ERC2: variants seen among roughly 807,000 people sequenced by gnomAD.
ERC2 encodes ELKS/RAB6-interacting/CAST family member 2.
In ERC2, 42 loss-of-function variants were observed where a neutral mutation model predicts 114.8. The ratio of observed to expected loss-of-function variants is 0.37; its 90% CI spans 0.29 to 0.47. The LOEUF is 0.47. Among genes scored for constraint, ERC2 ranks in the 20% least tolerant of loss-of-function variants. The pLI is 0.99. For synonymous variants in ERC2, 454 were observed against 425.5 expected (o/e 1.07, Z -0.82); for missense variants, 939 against 1,150.7 (o/e 0.82, Z 2.66).
Position 55,966,146 on chromosome 3 carries a change from C to A in ERC2, c.2268-15586G>T, listed in dbSNP as rs2068734687. Among the ~76,000 whole-genome samples, 3 of 152,278 alleles carry A rather than the reference C, an allele frequency of 2.0e-5. No individual in the cohort carries two copies. The South Asian group carries it at 6.2e-4, about 32-fold the overall frequency. On this transcript the variant is annotated intron_variant, in intron 12 of 17. Transcript: ENST00000288221. ...AAAAACAAAACCAACAAACAAGGGGCTAGGGTCAAATAAGTCTTGAGAGCC... is the reference window on the plus strand; with the variant it reads ...AAAAACAAAACCAACAAACAAGGGGATAGGGTCAAATAAGTCTTGAGAGCC...
At chr3:56,388,855 C>G (rs1289908704) in intron 2 of ERC2, among the ~76,000 whole-genome samples, 3 of 152,128 alleles carry the variant, frequency 2.0e-5, no homozygotes. Context: ...TTATAGGTGG[C>G]ACGCCCCAAA....
intron 13 of ERC2, among the ~76,000 whole-genome samples, chr3:55,935,141 C>A (rs1376797148): frequency 6.6e-6 from 1 of 152,174 alleles, no homozygotes; most frequent in Non-Finnish European, 1.5e-5. Flanking sequence ...AGAACCAAGT[C>A]TGGAGAATAA....
chr3:56,208,948 G>T (rs986633621), intron 3 of ERC2, among the ~76,000 whole-genome samples: 1 of 151,620 alleles, frequency 6.6e-6, no homozygotes, highest in African/African-American at 2.4e-5. Flanking sequence ...AGAAATGAGG[G>T]GCCTGGTGAC....
intron 2 of ERC2, among the ~76,000 whole-genome samples, chr3:56,315,120 A>T (rs902294095): frequency 5.9e-5 from 9 of 152,202 alleles, no homozygotes; most frequent in Non-Finnish European, 1.2e-4. Flanking sequence ...TAGGAGTTGG[A>T]GCACATGACA....
At chr3:55,682,295 C>T (rs1227110291) in intron 17 of ERC2, among the ~76,000 whole-genome samples, 1 of 152,142 alleles carries the variant, frequency 6.6e-6, no homozygotes, top group African/African-American at 2.4e-5. Context: ...AATGACTTTG[C>T]ATCTGGAAGT....
At position 55,852,089 on chromosome 3, in the gene ERC2, G is replaced by A. The variant is rs140349486; in HGVS notation, c.2564+36300C>T. On this transcript the variant is annotated intron_variant, in intron 14 of 17. Coordinates refer to ENST00000288221, the MANE Select transcript of ERC2 (RefSeq NM_015576.3). The stretch of plus-strand genomic sequence containing the variant: ...ATACAAAATTAGCTGGCGTGGTGGC[G>A]CATTCTTCTAATCCCAGCTACTCAG... Among the ~76,000 whole-genome samples the A allele has an allele frequency of 3.2e-4, 48 of 152,220 alleles. No individual in the cohort carries two copies. The East Asian group carries it at 7.5e-3, about 24-fold the overall frequency.
intron 17 of ERC2, among the ~76,000 whole-genome samples, chr3:55,515,097 A>G (rs1055045551): frequency 1.3e-4 from 20 of 149,690 alleles, no homozygotes; most frequent in African/African-American, 4.8e-4. Flanking sequence ...CACCATGAAG[A>G]AAAGGAACGG....
intron 7 of ERC2, among the ~76,000 whole-genome samples, chr3:56,072,720 A>T (rs946966550): frequency 5.9e-5 from 9 of 152,200 alleles, no homozygotes; most frequent in Non-Finnish European, 1.0e-4. Context: ...TTTTATTTTC[A>T]GTCAGGAAAA....
At chr3:55,638,172 T>C (rs1009720114) in intron 17 of ERC2, among the ~76,000 whole-genome samples, 2 of 152,246 alleles carry the variant, frequency 1.3e-5, no homozygotes, top group Non-Finnish European at 2.9e-5. Context: ...TGTTCATTCC[T>C]AGTGTCTGGA....
At chr3:56,208,129 T>A (rs940722406) in intron 3 of ERC2, among the ~76,000 whole-genome samples, 13 of 152,220 alleles carry the variant, frequency 8.5e-5, no homozygotes, top group Non-Finnish European at 1.5e-4. Context: ...GGGAATAAAC[T>A]GACGCATCTT....
chr3:56,437,467 A>G (rs546806659), intron 1 of ERC2, among the ~76,000 whole-genome samples: 3 of 152,330 alleles, frequency 2.0e-5, no homozygotes, highest in East Asian at 3.9e-4. Context: ...TAACTGATGC[A>G]TTTGTCTATA....
At chr3:55,956,171 A>G (rs1224715127) in intron 12 of ERC2, among the ~76,000 whole-genome samples, 1 of 152,206 alleles carries the variant, frequency 6.6e-6, no homozygotes, top group Non-Finnish European at 1.5e-5. Flanking sequence ...TACCTCAAAC[A>G]ATGGACTTTG....
chr3:56,093,284 T>C (rs528952894), intron 6 of ERC2, among the ~76,000 whole-genome samples: 1 of 152,340 alleles, frequency 6.6e-6, no homozygotes, highest in South Asian at 2.1e-4. Context: ...TAAATAACTC[T>C]TATAAATCTG....
chr3:55,595,908 A>G lies in ERC2; in HGVS notation c.*40-84632T>C, dbSNP rs552501177. Among the ~76,000 whole-genome samples, 4 of 152,312 alleles carry G rather than the reference A, an allele frequency of 2.6e-5. No homozygotes were observed. In the South Asian group the frequency reaches 8.3e-4, roughly 32 times the overall value. On this transcript the variant is annotated intron_variant, in intron 17 of 17. Coordinates refer to ENST00000288221, the MANE Select transcript of ERC2 (RefSeq NM_015576.3). The stretch of plus-strand genomic sequence containing the variant: ...TTGGAAATCCACACTCCAAGATACA[A>G]TCATCATAGTGACCATGCTCTGCAC...
chr3:56,244,053 T>C, intron 3 of ERC2, among the ~76,000 whole-genome samples: 1 of 152,134 alleles, frequency 6.6e-6, no homozygotes, highest in Non-Finnish European at 1.5e-5. Context: ...TTTTACATAT[T>C]ATATATTAAA....
At chr3:56,443,958 AT>A (rs11343406) in intron 1 of ERC2, among the ~76,000 whole-genome samples, 16,387 of 80,596 alleles carry the variant, frequency 0.2, 1,287 homozygotes, top group Middle Eastern at 0.28. Context: ...AATACCTACA[AT>A]TTTTTTTTTT....
At chr3:55,677,604 G>T (rs750767902) in intron 17 of ERC2, among the ~76,000 whole-genome samples, 1 of 152,116 alleles carries the variant, frequency 6.6e-6, no homozygotes. Flanking sequence ...CTTCCTCAAA[G>T]AGAAAATGGA....
intron 2 of ERC2, among the ~76,000 whole-genome samples, chr3:56,414,343 C>A (rs2061060282): frequency 6.6e-6 from 1 of 152,146 alleles, no homozygotes; most frequent in South Asian, 2.1e-4. Flanking sequence ...TTTCTCCTTC[C>A]CTAGATATCC....
intron 6 of ERC2, among the ~76,000 whole-genome samples, chr3:56,107,653 C>T (rs1347567051): frequency 1.3e-5 from 2 of 152,144 alleles, no homozygotes; most frequent in Non-Finnish European, 2.9e-5. Context: ...CTGATTTTTT[C>T]ATTACACCAA....
Sources: allele counts gnomAD v4.1 joint callset (sites outside exome capture counted in the v4.1 genomes callset), GRCh38; gene constraint gnomAD v4.1.1; transcripts MANE v1.5; gene names NCBI Gene and HGNC (gene_info 2026-07-23, HGNC 2026-07-21).